Variants in MGAM2 observed in about 807,000 individuals in gnomAD.
MGAM2 encodes maltase-glucoamylase 2 (putative).
A neutral mutation model predicts 96.1 loss-of-function variants in MGAM2; 98 were observed. The ratio of observed to expected loss-of-function variants is 1.02; its 90% CI spans 0.87 to 1.21. The LOEUF is 1.21. Ranked by LOEUF, MGAM2 falls within the 50% of genes most tolerant of loss-of-function variation. The pLI is 0.00. For missense variants in MGAM2, 2,055 were observed against 1,182.4 expected (o/e 1.74, Z -10.82); for synonymous variants, 749 against 414.8 (o/e 1.81, Z -9.79).
intron 1 of MGAM2, among the ~76,000 whole-genome samples, chr7:142,114,755 G>T (rs961284334): frequency 2.0e-5 from 3 of 152,124 alleles, no homozygotes; most frequent in Non-Finnish European, 4.4e-5. Context: ...GGAAAAATAA[G>T]AATTTACCTA....
intron 25 of MGAM2, 104 bp from the exon 26 acceptor site, chr7:142,167,164 T>C (rs1796052179): frequency 1.7e-6 from 1 of 595,806 alleles, no homozygotes; most frequent in Non-Finnish European, 3.0e-6. Flanking sequence ...CCCATAACCA[T>C]GGACATGGTA....
chr7:142,180,948 T>C (rs1303753816), intron 32 of MGAM2, among the ~76,000 whole-genome samples: 1 of 152,194 alleles, frequency 6.6e-6, no homozygotes. Context: ...CTTGGATCAT[T>C]TTACTGGCTT....
At chr7:142,203,208 A>ACTT (rs1478983234) in intron 45 of MGAM2, among the ~76,000 whole-genome samples, 2 of 152,136 alleles carry the variant, frequency 1.3e-5, no homozygotes. Context: ...GCTTGTGAAT[A>ACTT]CTTTCTCCTA....
intron 3 of MGAM2, among the ~76,000 whole-genome samples, chr7:142,123,698 T>C (rs1019001252): frequency 6.6e-6 from 1 of 152,142 alleles, no homozygotes; most frequent in African/African-American, 2.4e-5. Context: ...GTTAGATATA[T>C]ATCTTAGTCT....
Position 142,185,091 on chromosome 7 carries a change from G to A in MGAM2, c.3939G>A (p.Leu1313=). ...TTTTTCTCTAGGTTTGGCCAGATCT[G>A]CCTAATGTAATTGTAGATGGATCCC... ...DIVWGKVWPD[L]PNVIVDGSLD... is the part of the protein sequence containing the mutation. Residue 1313 remains leucine (L), a synonymous_variant, in exon 34 of 48, where the codon CTG becomes CTA. Coordinates refer to ENST00000477922, the MANE Select transcript of MGAM2 (RefSeq NM_001293626.2). The A allele has an allele frequency of 1.4e-6, 1 of 702,920 alleles. No individual in the cohort carries two copies. The highest frequency in any genetic ancestry group is 2.6e-6 in the Non-Finnish European group (1 of 384,924). The allele number at this position is 702,920 out of a possible 1,614,324, so 43.5% of individuals were successfully genotyped here. A position where few individuals can be genotyped will look rare whatever the true frequency, so the allele number is the denominator to read the frequency against.
intron 25 of MGAM2, among the ~76,000 whole-genome samples, chr7:142,166,455 C>A (rs1162079513): frequency 6.6e-6 from 1 of 152,170 alleles, no homozygotes; most frequent in Admixed American, 6.5e-5. Context: ...GCCACTCCAA[C>A]CATATCATTA....
At chr7:142,191,416 G>A (rs149926890) in intron 37 of MGAM2, among the ~76,000 whole-genome samples, 23 of 152,226 alleles carry the variant, frequency 1.5e-4, no homozygotes, top group Admixed American at 5.9e-4. Flanking sequence ...GAGCTTTATA[G>A]TTTTAGGTAT....
At chr7:142,180,048 T>C (rs900328257) in intron 32 of MGAM2, among the ~76,000 whole-genome samples, 17 of 152,136 alleles carry the variant, frequency 1.1e-4, no homozygotes, top group Non-Finnish European at 2.2e-4. Flanking sequence ...ATTATTGATC[T>C]GTTTATGGTG....
At chr7:142,122,127 C>A (rs1209470157) in intron 3 of MGAM2, among the ~76,000 whole-genome samples, 11 of 152,120 alleles carry the variant, frequency 7.2e-5, no homozygotes, top group Non-Finnish European at 7.4e-5. Context: ...CAATAATACT[C>A]ATTACCTCCC....
At chr7:142,166,007 C>G (rs1323741248) in intron 24 of MGAM2, 91 bp from the exon 25 acceptor site, 6 of 595,010 alleles carry the variant, frequency 1.0e-5, no homozygotes, top group African/African-American at 5.6e-5. Flanking sequence ...GAATAGATGC[C>G]CTTGTCCTGA....
At position 142,132,812 on chromosome 7, in the gene MGAM2, A is replaced by AT. The variant is rs913178502; in HGVS notation, c.575+728dup. ...TACATGTCATATAATTATGTATAATATAATATATAATTATAAGTAATATAA... is the reference window on the plus strand; with the variant it reads ...TACATGTCATATAATTATGTATAATATTAATATATAATTATAAGTAATATAA... On this transcript the variant is annotated intron_variant, in intron 6 of 47. Transcript: ENST00000477922. Among the ~76,000 whole-genome samples, 7 of 127,456 alleles carry AT rather than the reference A, an allele frequency of 5.5e-5. No homozygotes were observed. In the East Asian group the frequency reaches 1.6e-3, roughly 29 times the overall value. The allele number at this position is 127,456 out of a possible 152,430, so 83.6% of individuals were successfully genotyped here.
At chr7:142,146,688 C>T (rs1795394558) in intron 14 of MGAM2, among the ~76,000 whole-genome samples, 1 of 151,942 alleles carries the variant, frequency 6.6e-6, no homozygotes, top group African/African-American at 2.4e-5. Flanking sequence ...AGTACTTACA[C>T]ATCAAACTGT....
At position 142,189,493 on chromosome 7, in the gene MGAM2, G is replaced by C; in HGVS notation, c.4334G>C (p.Arg1445Thr). The change falls in exon 37 of 48, where the codon AGA becomes ACA. Residue 1445 changes from arginine (R) to threonine (T), a missense_variant. Physicochemically the swap from Arg to Thr is moderately conservative, Grantham distance 71. Transcript: ENST00000477922. ...VHNLYGWSQTRPTYEAVQEVT... is the reference protein window; with the variant it reads ...VHNLYGWSQTTPTYEAVQEVT... ...AACCTGTACGGGTGGTCCCAGACCA[G>C]ACCCACATACGAGTGAGTGTCTTTT... 1 of 848,842 alleles carries C rather than the reference G, an allele frequency of 1.2e-6. No individual in the cohort carries two copies. The highest frequency in any genetic ancestry group is 2.7e-5 in the East Asian group (1 of 36,948). 52.6% of individuals were successfully genotyped at this position (848,842 alleles called of 1,614,324 possible). A position where few individuals can be genotyped will look rare whatever the true frequency, so the allele number is the denominator to read the frequency against.
chr7:142,222,133 C>T lies in MGAM2; in HGVS notation c.*74C>T, dbSNP rs1009931647. On this transcript the variant is annotated 3_prime_UTR_variant, in exon 48 of 48. Coordinates refer to ENST00000477922, the MANE Select transcript of MGAM2 (RefSeq NM_001293626.2). ...TATTACAGATATAGAAAATCAGTTA[C>T]GAGACACTCTATCTATCTTATGCTA... 61 of 396,886 alleles carry T rather than the reference C, an allele frequency of 1.5e-4. No homozygotes were observed. The highest frequency in any genetic ancestry group is 2.4e-4 in the Non-Finnish European group (55 of 225,164). The allele number at this position is 396,886 out of a possible 1,614,324, so 24.6% of individuals were successfully genotyped here. A position where few individuals can be genotyped will look rare whatever the true frequency, so the allele number is the denominator to read the frequency against.
At chr7:142,151,374 AT>A (rs1241708446) in intron 15 of MGAM2, among the ~76,000 whole-genome samples, 2 of 152,148 alleles carry the variant, frequency 1.3e-5, no homozygotes, top group Admixed American at 6.6e-5. Flanking sequence ...AAAAGTTTGT[AT>A]TTTGGTTAAA....
In MGAM2 at chr7:142,198,722, T is replaced by A. The variant is rs2960768; in HGVS notation, c.5031T>A (p.Ala1677=). Residue 1677 remains alanine, a synonymous_variant, in exon 44 of 48, where the codon GCT becomes GCA. Coordinates refer to ENST00000477922, the MANE Select transcript of MGAM2 (RefSeq NM_001293626.2). ...GGYILPWQEP[A]MNTHSSRQNF... is the part of the protein sequence containing the mutation. ...ACATCCTGCCCTGGCAAGAGCCTGC[T>A]ATGAACACTCACTCCAGGTGAGGAG... 1 allele frequency: 703,491 copies of A among 704,166 alleles called. 351,411 individuals carry two copies. The highest frequency in any genetic ancestry group is 1 in the Middle Eastern group (4,370 of 4,370). 43.6% of individuals were successfully genotyped at this position (704,166 alleles called of 1,614,324 possible).
At position 142,136,536 on chromosome 7, in the gene MGAM2, G is replaced by C; in HGVS notation, c.748-5G>C. The C allele has an allele frequency of 1.5e-6, 1 of 672,680 alleles. No individual in the cohort carries two copies. Among genetic ancestry groups the C allele is most frequent in the South Asian group, 1.6e-5 (1 of 60,940 alleles). 41.7% of individuals were successfully genotyped at this position (672,680 alleles called of 1,614,324 possible). A position where few individuals can be genotyped will look rare whatever the true frequency, so the allele number is the denominator to read the frequency against. ...ACTATGACTTTTCTTCTGTTTTGCTGATAGGGCATGATTAATCTGTATGGA... is the reference window on the plus strand; with the variant it reads ...ACTATGACTTTTCTTCTGTTTTGCTCATAGGGCATGATTAATCTGTATGGA... On this transcript the variant is annotated splice_polypyrimidine_tract_variant and splice_region_variant and intron_variant, in intron 7 of 47. Transcript: ENST00000477922.
intron 2 of MGAM2, among the ~76,000 whole-genome samples, chr7:142,119,574 A>C (rs1021449468): frequency 1.3e-5 from 2 of 152,242 alleles, no homozygotes; most frequent in Admixed American, 1.3e-4. Context: ...AAAACTGAAA[A>C]CATAGCTCAC....
At chr7:142,139,103 G>A (rs985334521) in intron 10 of MGAM2, among the ~76,000 whole-genome samples, 1 of 152,168 alleles carries the variant, frequency 6.6e-6, no homozygotes, top group African/African-American at 2.4e-5. Flanking sequence ...TGAGGAACAA[G>A]AGCTGATGAT....
Sources: allele counts gnomAD v4.1 joint callset (sites outside exome capture counted in the v4.1 genomes callset), GRCh38; gene constraint gnomAD v4.1.1; transcripts MANE v1.5; gene names NCBI Gene and HGNC (gene_info 2026-07-23, HGNC 2026-07-21).